FBXL20: variants seen among roughly 807,000 people sequenced by gnomAD.
FBXL20 encodes F-box and leucine rich repeat protein 20.
FBXL20 carries 11 observed loss-of-function variants against 64.0 expected under a neutral mutation model. The observed-to-expected ratio is 0.17, with a 90% CI of 0.11 to 0.28. The LOEUF (loss-of-function observed/expected upper bound fraction) is 0.28, where lower values mean the gene tolerates loss of function less well. FBXL20 is among the 10% of genes least tolerant of loss of function. FBXL20 has a pLI of 1.00. For synonymous variants in FBXL20, 184 were observed against 189.0 expected (o/e 0.97, Z 0.22); for missense variants, 303 against 526.2 (o/e 0.58, Z 4.15).
intron 3 of FBXL20, among the ~76,000 whole-genome samples, chr17:39,302,082 AAT>A (rs1420033925): frequency 2.0e-5 from 3 of 152,110 alleles, no homozygotes; most frequent in African/African-American, 7.2e-5. Context: ...TATGCTTAAA[AAT>A]ATGATCCTTA....
intron 12 of FBXL20, 113 bp downstream of exon 12, chr17:39,268,714 G>T: frequency 1.2e-6 from 1 of 809,012 alleles, no homozygotes; most frequent in Non-Finnish European, 2.0e-6. Flanking sequence ...AATCTGCAAT[G>T]CTGTCAGGCA....
rs144251309 is a variant in FBXL20 at position 39,270,461 on chromosome 17, T to C, written c.888+335A>G. Among the ~76,000 whole-genome samples, 894 of 152,198 alleles carry C rather than the reference T, an allele frequency of 5.9e-3. 7 individuals are homozygous for C. Among genetic ancestry groups the C allele is most frequent in the African/African-American group, 0.02 (811 of 41,522 alleles). On this transcript the variant is annotated intron_variant, in intron 11 of 14. Coordinates refer to ENST00000264658, the MANE Select transcript of FBXL20 (RefSeq NM_032875.3). ...CGGGAGGCTGAGGCAGGAGAAATGCTTGAACCTGGGAGGTGGAGGTTGCAG... is the reference window on the plus strand; with the variant it reads ...CGGGAGGCTGAGGCAGGAGAAATGCCTGAACCTGGGAGGTGGAGGTTGCAG...
intron 1 of FBXL20, among the ~76,000 whole-genome samples, chr17:39,380,162 G>GTGAT (rs150762900): frequency 0.02 from 3,035 of 152,170 alleles, 49 homozygotes; most frequent in Non-Finnish European, 0.028. Context: ...CAAAACAAGA[G>GTGAT]TGATACTCAA....
At chr17:39,339,934 C>T (rs900670458) in intron 2 of FBXL20, among the ~76,000 whole-genome samples, 1 of 151,972 alleles carries the variant, frequency 6.6e-6, no homozygotes, top group Non-Finnish European at 1.5e-5. Context: ...GCATGAGCCA[C>T]CGTAACTGGA....
intron 1 of FBXL20, among the ~76,000 whole-genome samples, chr17:39,382,266 A>G (rs1234162114): frequency 6.6e-6 from 1 of 151,904 alleles, no homozygotes; most frequent in Non-Finnish European, 1.5e-5. Flanking sequence ...ACACGGTGAA[A>G]CCCCATCTCT....
chr17:39,310,211 A>G (rs1052206112), intron 2 of FBXL20, among the ~76,000 whole-genome samples: 1 of 151,878 alleles, frequency 6.6e-6, no homozygotes, highest in Non-Finnish European at 1.5e-5. Context: ...TCTGCTTGTA[A>G]GATCACAAAA....
At chr17:39,352,282 C>T (rs1449677129) in intron 1 of FBXL20, among the ~76,000 whole-genome samples, 1 of 152,044 alleles carries the variant, frequency 6.6e-6, no homozygotes, top group African/African-American at 2.4e-5. Context: ...GTAGTTCCAG[C>T]TACTTGGTAG....
rs767776381 is a variant in FBXL20, at chr17:39,285,607, AACAAG to A, written c.399-39_399-35del. 9 of 1,409,774 alleles carry A rather than the reference AACAAG, an allele frequency of 6.4e-6. No homozygotes were observed. The African/African-American group carries it at 8.5e-5, about 13-fold the overall frequency. 87.3% of individuals were successfully genotyped at this position (1,409,774 alleles called of 1,614,324 possible). ...TGGAAAAAGGAGAAAATAATGAATA[AACAAG>A]ACAAGTACACATCCTTGGTATATCA... On this transcript the variant is annotated intron_variant, in intron 6 of 14. Coordinates refer to ENST00000264658, the MANE Select transcript of FBXL20 (RefSeq NM_032875.3).
intron 1 of FBXL20, among the ~76,000 whole-genome samples, chr17:39,397,756 A>G (rs2144689673): frequency 6.6e-6 from 1 of 152,064 alleles, no homozygotes; most frequent in South Asian, 2.1e-4. Context: ...CAAATACAAA[A>G]TAAAATAAAA....
At chr17:39,367,525 C>G (rs1291920325) in intron 1 of FBXL20, among the ~76,000 whole-genome samples, 4 of 151,660 alleles carry the variant, frequency 2.6e-5, no homozygotes, top group Non-Finnish European at 5.9e-5. Context: ...CCATGTTGGC[C>G]AGGCTCATCT....
At chr17:39,323,221 G>A (rs1424371384) in intron 2 of FBXL20, among the ~76,000 whole-genome samples, 2 of 151,688 alleles carry the variant, frequency 1.3e-5, no homozygotes, top group African/African-American at 4.8e-5. Flanking sequence ...CGCCCGCCTC[G>A]GCCTCCCAAA....
chr17:39,260,863 G>A lies in FBXL20; in HGVS notation c.*597C>T, dbSNP rs2046739176. ...ACAGTGATTTCAAGGCAACCATTTA[G>A]GAAACCTCTGGGCCAAATACTAAAA... On this transcript the variant is annotated 3_prime_UTR_variant, in exon 15 of 15. Coordinates refer to ENST00000264658, the MANE Select transcript of FBXL20 (RefSeq NM_032875.3). 6.4e-6 allele frequency: 1 copy of A among 155,300 alleles called. No individual in the cohort carries two copies. The highest frequency in any genetic ancestry group is 1.4e-5 in the Non-Finnish European group (1 of 69,640). The allele number at this position is 155,300 out of a possible 1,614,324, so 9.6% of individuals were successfully genotyped here.
At chr17:39,322,903 C>T (rs2047371231) in intron 2 of FBXL20, among the ~76,000 whole-genome samples, 2 of 151,796 alleles carry the variant, frequency 1.3e-5, no homozygotes, top group Admixed American at 1.3e-4. Context: ...CTCCCGGGTT[C>T]ACACCATTCT....
At chr17:39,392,705 T>C (rs2048146249) in intron 1 of FBXL20, among the ~76,000 whole-genome samples, 1 of 151,986 alleles carries the variant, frequency 6.6e-6, no homozygotes, top group Non-Finnish European at 1.5e-5. Context: ...TGGTATCTTA[T>C]TATCACAAAT....
In FBXL20 at chr17:39,375,203, C is replaced by T. The variant is rs72825152; in HGVS notation, c.42+26158G>A. 6.2e-3 allele frequency among the ~76,000 whole-genome samples: 949 copies of T among 152,142 alleles called. 5 individuals are homozygous for T. The highest frequency in any genetic ancestry group is 9.8e-3 in the Non-Finnish European group (670 of 68,022). ...AAAAAGTGACGAGGAGAAGACATGG[C>T]CCAAGTAGTTGTTGCGGCCATCTTC... On this transcript the variant is annotated intron_variant, in intron 1 of 14. Transcript: ENST00000264658.
chr17:39,273,596 G>A (rs1009331830), intron 10 of FBXL20, among the ~76,000 whole-genome samples: 2 of 152,008 alleles, frequency 1.3e-5, no homozygotes, highest in Non-Finnish European at 2.9e-5. Context: ...GGGAGGCCGA[G>A]GTGGGCAGAT....
At chr17:39,365,147 T>TA (rs937329920) in intron 1 of FBXL20, among the ~76,000 whole-genome samples, 33 of 152,196 alleles carry the variant, frequency 2.2e-4, no homozygotes, top group African/African-American at 6.7e-4. Context: ...CAATTTTCAT[T>TA]AAAAAAAATC....
chr17:39,299,217 A>T, intron 4 of FBXL20, 133 bp from the exon 5 acceptor site: 1 of 640,892 alleles, frequency 1.6e-6, no homozygotes, highest in South Asian at 2.2e-5. Context: ...GGAAAATTGT[A>T]ACTTACCCTG....
intron 7 of FBXL20, among the ~76,000 whole-genome samples, chr17:39,283,466 C>T (rs531204260): frequency 9.2e-5 from 14 of 151,536 alleles, no homozygotes; most frequent in African/African-American, 2.9e-4. Context: ...GACAGGGTCT[C>T]GTTCTGTCAC....
Sources: allele counts gnomAD v4.1 joint callset (sites outside exome capture counted in the v4.1 genomes callset), GRCh38; gene constraint gnomAD v4.1.1; transcripts MANE v1.5; gene names NCBI Gene and HGNC (gene_info 2026-07-23, HGNC 2026-07-21).